Variants in SMAD1 observed in about 807,000 individuals in gnomAD.
SMAD1 encodes the protein MAD, mothers against decapentaplegic homolog 1.
SMAD1 carries 6 observed loss-of-function variants against 41.6 expected under a neutral mutation model. That is an observed-to-expected ratio of 0.14 (90% CI 0.08 to 0.28). SMAD1 has a LOEUF of 0.28. SMAD1 is among the 10% of genes least tolerant of loss of function. SMAD1 has a pLI of 1.00. For synonymous variants in SMAD1, 206 were observed against 203.2 expected (o/e 1.01, Z -0.12); for missense variants, 379 against 582.6 (o/e 0.65, Z 3.60).
Position 145,540,062 on chromosome 4 carries a change from G to T in SMAD1, c.658+1G>T. The T allele has an allele frequency of 6.2e-7, 1 of 1,613,930 alleles. No homozygotes were observed. Among genetic ancestry groups the T allele is most frequent in the Non-Finnish European group, 8.5e-7 (1 of 1,179,920 alleles). On this transcript the variant is annotated splice_donor_variant, in intron 3 of 6. Coordinates refer to ENST00000302085, the MANE Select transcript of SMAD1 (RefSeq NM_005900.3). LOFTEE classifies it high-confidence loss of function. ...CCAGGAAGCCCTTTCCAGATGCCAG[G>T]TAGGTTGGAATGTTCAGTGATGTTC...
At chr4:145,487,229 T>A (rs1196065464) in intron 1 of SMAD1, among the ~76,000 whole-genome samples, 1 of 152,136 alleles carries the variant, frequency 6.6e-6, no homozygotes, top group Admixed American at 6.5e-5. Context: ...ACGAATCTCC[T>A]CTTGACTCTC....
At chr4:145,498,105 G>GATATTTGA (rs1172112173) in intron 1 of SMAD1, 2 of 152,206 alleles carry the variant, frequency 1.3e-5, no homozygotes, top group Admixed American at 1.3e-4. Flanking sequence ...TGCTTGTGAA[G>GATATTTGA]ATATTTGAAT....
intron 4 of SMAD1, chr4:145,545,017 G>A (rs1004603777): frequency 1.3e-5 from 2 of 151,416 alleles, no homozygotes; most frequent in African/African-American, 4.9e-5. Context: ...ATATTTTCAC[G>A]AGGAAGGAAT....
intron 2 of SMAD1, among the ~76,000 whole-genome samples, chr4:145,527,892 A>C (rs1578794730): frequency 6.9e-6 from 1 of 144,748 alleles, no homozygotes; most frequent in African/African-American, 2.6e-5. Flanking sequence ...ACAGAATCCC[A>C]CCCTGTCACC....
intron 1 of SMAD1, among the ~76,000 whole-genome samples, chr4:145,509,398 AC>A (rs1729957196): frequency 2.0e-5 from 3 of 151,302 alleles, no homozygotes; most frequent in African/African-American, 7.2e-5. Context: ...AATAGTTAAA[AC>A]AAAAATCTGA....
chr4:145,529,741 A>T (rs894103953), intron 2 of SMAD1, among the ~76,000 whole-genome samples: 2 of 152,220 alleles, frequency 1.3e-5, no homozygotes, highest in African/African-American at 4.8e-5. Flanking sequence ...ATTTGACTTA[A>T]GATGAGAAAA....
At chr4:145,525,197 G>A (rs1209951735) in intron 2 of SMAD1, among the ~76,000 whole-genome samples, 1 of 152,192 alleles carries the variant, frequency 6.6e-6, no homozygotes, top group East Asian at 1.9e-4. Context: ...AAAGGCCAGA[G>A]AACAGACCAG....
intron 2 of SMAD1, among the ~76,000 whole-genome samples, chr4:145,534,923 T>A (rs990027131): frequency 4.6e-5 from 7 of 151,884 alleles, no homozygotes; most frequent in African/African-American, 1.7e-4. Flanking sequence ...TACCAAAAAA[T>A]ATACATAAGT....
At chr4:145,488,828 C>T (rs1728627575) in intron 1 of SMAD1, among the ~76,000 whole-genome samples, 1 of 152,074 alleles carries the variant, frequency 6.6e-6, no homozygotes, top group Non-Finnish European at 1.5e-5. Context: ...TTAGAGTATA[C>T]ACAAACATGA....
At chr4:145,551,644 G>A (rs1209320684) in intron 5 of SMAD1, among the ~76,000 whole-genome samples, 6 of 152,270 alleles carry the variant, frequency 3.9e-5, no homozygotes, top group Admixed American at 3.3e-4. Flanking sequence ...CAAGAGAAAC[G>A]CAGATGGCTA....
intron 2 of SMAD1, among the ~76,000 whole-genome samples, chr4:145,531,707 C>CGTAA (rs1553948249): frequency 1.3e-5 from 2 of 152,082 alleles, no homozygotes; most frequent in Non-Finnish European, 2.9e-5. Flanking sequence ...AAGGTGGTTA[C>CGTAA]GGGAGTCAGG....
intron 1 of SMAD1, among the ~76,000 whole-genome samples, chr4:145,512,839 A>G (rs1355672295): frequency 2.6e-5 from 4 of 152,170 alleles, no homozygotes; most frequent in African/African-American, 9.7e-5. Context: ...CTTCCTCTAC[A>G]GAGAATTTGT....
chr4:145,507,729 CTGTT>C (rs1383086288), intron 1 of SMAD1, among the ~76,000 whole-genome samples: 5 of 151,628 alleles, frequency 3.3e-5, no homozygotes, highest in Non-Finnish European at 5.9e-5. Flanking sequence ...AAGGAAATCT[CTGTT>C]TGCTGACTCA....
intron 5 of SMAD1, among the ~76,000 whole-genome samples, chr4:145,553,227 A>C (rs1256813377): frequency 6.6e-6 from 1 of 151,748 alleles, no homozygotes; most frequent in African/African-American, 2.4e-5. Context: ...TATTTTTAAA[A>C]CATTTTGTTA....
rs764465100 is a variant in SMAD1, at chr4:145,539,910, C to A, written c.507C>A (p.Asn169Lys). ...LGQNEPHMPL[N>K]ATFPDSFQQP... is the part of the protein sequence containing the mutation. ...AAAATGAGCCTCACATGCCACTCAACGCCACTTTTCCAGATTCTTTCCAGC... is the reference window on the plus strand; with the variant it reads ...AAAATGAGCCTCACATGCCACTCAAAGCCACTTTTCCAGATTCTTTCCAGC... The change falls in exon 3 of 7, where the codon AAC becomes AAA. Residue 169 changes from asparagine to lysine, a missense_variant. Asn to Lys is a moderately conservative substitution (Grantham distance 94). Coordinates refer to ENST00000302085, the MANE Select transcript of SMAD1 (RefSeq NM_005900.3). The A allele has an allele frequency of 1.2e-6, 2 of 1,614,026 alleles. No homozygotes were observed. The highest frequency in any genetic ancestry group is 4.5e-5 in the East Asian group (2 of 44,876).
intron 2 of SMAD1, among the ~76,000 whole-genome samples, chr4:145,529,379 A>G (rs753914906): frequency 6.6e-6 from 1 of 152,240 alleles, no homozygotes; most frequent in Non-Finnish European, 1.5e-5. Context: ...GAAAGTAGGA[A>G]GAGAAAAGAC....
At chr4:145,528,690 C>G (rs151315062) in intron 2 of SMAD1, among the ~76,000 whole-genome samples, 3 of 152,330 alleles carry the variant, frequency 2.0e-5, no homozygotes, top group Non-Finnish European at 4.4e-5. Flanking sequence ...TAATCATTTA[C>G]ATATCAATCG....
chr4:145,553,685 A>T, intron 5 of SMAD1, 99 bp from the exon 6 acceptor site: 1 of 1,118,282 alleles, frequency 8.9e-7, no homozygotes, highest in Non-Finnish European at 1.3e-6. Context: ...GCCAAAGTTT[A>T]AATCCATGTA....
At chr4:145,512,576 C>G (rs958257858) in intron 1 of SMAD1, among the ~76,000 whole-genome samples, 1 of 152,088 alleles carries the variant, frequency 6.6e-6, no homozygotes. Context: ...ATTTTTATTT[C>G]ATTCTTCTTT....
Sources: gnomAD v4.1 joint callset for allele counts (sites outside exome capture counted in the v4.1 genomes callset) on GRCh38, gnomAD v4.1.1 for gene constraint, MANE v1.5 for transcripts, NCBI Gene and HGNC (gene_info 2026-07-23, HGNC 2026-07-21) for gene names.